PPP6R1: variants seen among roughly 807,000 people sequenced by gnomAD.
PPP6R1 encodes the protein serine/threonine-protein phosphatase 6 regulatory subunit 1.
A neutral mutation model predicts 104.6 loss-of-function variants in PPP6R1; 39 were observed. The observed-to-expected ratio is 0.37, with a 90% CI of 0.29 to 0.49. PPP6R1 has a LOEUF of 0.49. Ranked by LOEUF, PPP6R1 falls within the 20% of genes least tolerant of loss-of-function variation. PPP6R1 has a pLI of 0.98. For missense variants in PPP6R1, 1,181 were observed against 1,155.8 expected, an observed-to-expected ratio of 1.02 and a Z score of -0.32; for synonymous variants, 549 against 479.0, an observed-to-expected ratio of 1.15 and a Z score of -1.91.
intron 17 of PPP6R1, among the ~76,000 whole-genome samples, chr19:55,233,533 G>A (rs896648755): frequency 6.6e-6 from 1 of 152,146 alleles, no homozygotes; most frequent in Non-Finnish European, 1.5e-5. Context: ...ACATGATTCT[G>A]TACATAGAAA....
chr19:55,239,873 C>G lies in PPP6R1; in HGVS notation c.1516G>C (p.Val506Leu), dbSNP rs763530340. Reference sequence around the variant, plus strand: ...TTGGTCTCCGCCAGGGGCCCCGATACGAAGGCTTCCCACTGCTCCTGCTGC... The same window carrying G: ...TTGGTCTCCGCCAGGGGCCCCGATAGGAAGGCTTCCCACTGCTCCTGCTGC... The part of the protein sequence containing the change: ...SEQQEQWEAF[V>L]SGPLAETNKK... The change falls in exon 13 of 24, where the codon GTA becomes CTA. Residue 506 changes from valine (V) to leucine (L), a missense_variant. Physicochemically the swap from Val to Leu is conservative, Grantham distance 32. Coordinates refer to ENST00000412770, the MANE Select transcript of PPP6R1 (RefSeq NM_014931.4). 1 of 1,613,936 alleles carries G rather than the reference C, an allele frequency of 6.2e-7. No homozygotes were observed. Among genetic ancestry groups the G allele is most frequent in the South Asian group, 1.1e-5 (1 of 91,084 alleles).
rs939200970 is a variant in PPP6R1 at position 55,245,726 on chromosome 19, G to C, written c.228-48C>G. 7.2e-7 allele frequency: 1 copy of C among 1,395,872 alleles called. No individual in the cohort carries two copies. The highest frequency in any genetic ancestry group is 9.9e-7 in the Non-Finnish European group (1 of 1,014,480). 86.5% of individuals were successfully genotyped at this position (1,395,872 alleles called of 1,614,324 possible). A position where few individuals can be genotyped will look rare whatever the true frequency, so the allele number is the denominator to read the frequency against. ...TGGGGGCTCGGGTCGGAGGCCGGGG[G>C]CAGGGGGCGGCAAGGCTCCACCCTC... On this transcript the variant is annotated intron_variant, in intron 2 of 23. Transcript: ENST00000412770. The surrounding 1 kb of genome is among the most constrained non-coding windows in gnomAD (Gnocchi z 6.4).
At chr19:55,229,031 G>A, downstream of PPP6R1, 1 of 384,106 alleles carries the variant, frequency 2.6e-6, no homozygotes, top group Non-Finnish European at 4.9e-6. Context: ...CTTGTCCTGG[G>A]CCCCAACAAT....
intron 1 of PPP6R1, among the ~76,000 whole-genome samples, chr19:55,252,256 G>C (rs1600117583): frequency 6.6e-6 from 1 of 152,054 alleles, no homozygotes; most frequent in African/African-American, 2.4e-5. Context: ...TTGAGACAGA[G>C]TCTCTCTCTG....
Position 55,231,646 on chromosome 19 carries a change from AG to A in PPP6R1, c.2328del (p.Ser777GlnfsTer141). 4 of 1,610,518 alleles carry A rather than the reference AG, an allele frequency of 2.5e-6. No individual in the cohort carries two copies. The highest frequency in any genetic ancestry group is 1.7e-5 in the Admixed American group (1 of 59,618). ...LQLRSQDPTP[P>X]SAPQEATEGS... Reference sequence around the variant, plus strand: ...CCTTCTGTGGCTTCCTGAGGTGCTGAGGGGGGTGTGGGGTCCTGAGACCTGG... The same window carrying A: ...CCTTCTGTGGCTTCCTGAGGTGCTGAGGGGGTGTGGGGTCCTGAGACCTGG... On this transcript the variant is annotated frameshift_variant, in exon 20 of 24. Coordinates refer to ENST00000412770, the MANE Select transcript of PPP6R1 (RefSeq NM_014931.4). LOFTEE classifies it high-confidence loss of function.
At chr19:55,254,306 A>T (rs1036153346) in intron 1 of PPP6R1, among the ~76,000 whole-genome samples, 3 of 152,250 alleles carry the variant, frequency 2.0e-5, no homozygotes, top group African/African-American at 7.2e-5. Flanking sequence ...GGGAAATTGT[A>T]AATGAGAAAG....
Position 55,246,961 on chromosome 19 carries a change from A to C in PPP6R1, c.143T>G (p.Leu48Arg). 1 of 1,613,864 alleles carries C rather than the reference A, an allele frequency of 6.2e-7. No homozygotes were observed. The highest frequency in any genetic ancestry group is 8.5e-7 in the Non-Finnish European group (1 of 1,179,858). ...KVVNRKLLDFLLQPPHLQAMV... is the reference protein window; with the variant it reads ...KVVNRKLLDFRLQPPHLQAMV... ...TGCTTGCAGGTGGGGTGGCTGCAGC[A>C]GGAAGTCCAGCAGCTTGCGGTTGAC... The change falls in exon 2 of 24, where the codon CTG becomes CGG. Residue 48 changes from leucine (L) to arginine (R), a missense_variant. Around this residue, in one of 2 missense-constraint regions of PPP6R1, gnomAD observed 139 missense variants for 200.1 expected, o/e 0.69. Transcript: ENST00000412770.
At chr19:55,240,886 G>C in intron 10 of PPP6R1, 59 bp downstream of exon 10, 1 of 1,571,270 alleles carries the variant, frequency 6.4e-7, no homozygotes, top group South Asian at 1.2e-5. Flanking sequence ...GGCCTCTGGA[G>C]AGGGTGCGCC....
At chr19:55,242,018 C>A in intron 7 of PPP6R1, 148 bp downstream of exon 7, 1 of 735,446 alleles carries the variant, frequency 1.4e-6, no homozygotes, top group Non-Finnish European at 2.2e-6. Flanking sequence ...CGGCCCCGTA[C>A]TGTCCACTGT....
chr19:55,242,136 C>T (rs756455516), intron 7 of PPP6R1, 30 bp downstream of exon 7: 2 of 1,593,482 alleles, frequency 1.3e-6, no homozygotes, highest in South Asian at 2.2e-5. Flanking sequence ...GGATGGGCAG[C>T]ATGCATGGTC....
At chr19:55,257,086 A>G in intron 1 of PPP6R1, among the ~76,000 whole-genome samples, 1 of 150,320 alleles carries the variant, frequency 6.7e-6, no homozygotes, top group Admixed American at 6.6e-5. Flanking sequence ...GTTAAAAAAA[A>G]AAAAAAAAAA....
intron 1 of PPP6R1, among the ~76,000 whole-genome samples, chr19:55,254,899 G>A (rs1258289560): frequency 1.3e-5 from 2 of 152,192 alleles, no homozygotes; most frequent in African/African-American, 4.8e-5. Flanking sequence ...TGACAGTAAT[G>A]GCAACCCCAC....
In PPP6R1 at chr19:55,241,555, A is replaced by C. The variant is rs778266503; in HGVS notation, c.930T>G (p.Thr310=). Residue 310 remains threonine (T), a synonymous_variant, in exon 8 of 24, where the codon ACT becomes ACG. Coordinates refer to ENST00000412770, the MANE Select transcript of PPP6R1 (RefSeq NM_014931.4). The surrounding 1 kb of genome is among the most constrained non-coding windows in gnomAD (Gnocchi z 5.4). Reference sequence around the variant, plus strand: ...CGTGCAAGGCGCCCACACTGGACACAGTGCTTTCCAGGGCCCCCTGGGCCA... The same window carrying C: ...CGTGCAAGGCGCCCACACTGGACACCGTGCTTTCCAGGGCCCCCTGGGCCA... ...ELLAQGALES[T]VSSVGALHAL... is the part of the protein sequence containing the mutation. The C allele has an allele frequency of 6.3e-7, 1 of 1,580,282 alleles. No homozygotes were observed. The highest frequency in any genetic ancestry group is 8.6e-7 in the Non-Finnish European group (1 of 1,164,462).
At chr19:55,258,190 C>G (rs1234037502) in intron 1 of PPP6R1, among the ~76,000 whole-genome samples, 1 of 152,100 alleles carries the variant, frequency 6.6e-6, no homozygotes, top group Non-Finnish European at 1.5e-5. Flanking sequence ...GGGAAAAGGC[C>G]GAGAGCAAGA....
downstream of PPP6R1, chr19:55,228,555 A>T (rs2122470019): frequency 6.6e-7 from 1 of 1,525,330 alleles, no homozygotes. Context: ...GGCTGGACCC[A>T]TTCAGGGACC....
At chr19:55,240,435 G>C (rs926253546) in intron 10 of PPP6R1, 135 bp from the exon 11 acceptor site, 1 of 890,728 alleles carries the variant, frequency 1.1e-6, no homozygotes, top group Non-Finnish European at 1.7e-6. Flanking sequence ...GGATGGGAAG[G>C]AGGGATGCAA....
At chr19:55,230,997 C>T (rs2087339451) in intron 21 of PPP6R1, 113 bp from the exon 22 acceptor site, 2 of 918,338 alleles carry the variant, frequency 2.2e-6, no homozygotes, top group Non-Finnish European at 3.4e-6. Flanking sequence ...TGCCACCTGC[C>T]CCACGGGGAG....
rs567127261 is a variant in PPP6R1, at chr19:55,239,903, T to C, written c.1486A>G (p.Ser496Gly). ...QLRQLLKELP[S>G]EQQEQWEAFV... ...GCTTCCCACTGCTCCTGCTGCTCGC[T>C]GGGCAGCTCTGCTTAGGTGAGAGGG... Residue 496 changes from serine to glycine, a missense_variant, in exon 13 of 24, where the codon AGC becomes GGC. By Grantham distance (56) the Ser-to-Gly change is moderately conservative. This residue lies in a region of PPP6R1 where 1,042 missense variants were observed against 955.6 expected (regional missense o/e 1.09). Coordinates refer to ENST00000412770, the MANE Select transcript of PPP6R1 (RefSeq NM_014931.4). 6.4e-5 allele frequency: 104 copies of C among 1,613,846 alleles called. No homozygotes were observed. In the South Asian group the frequency reaches 1.1e-3, roughly 16 times the overall value.
chr19:55,255,571 G>T (rs945031674), intron 1 of PPP6R1: 1 of 152,298 alleles, frequency 6.6e-6, no homozygotes, highest in African/African-American at 2.4e-5. Flanking sequence ...GGAAAACCAC[G>T]GTTTGGCATG....
Sources: allele counts gnomAD v4.1 joint callset (sites outside exome capture counted in the v4.1 genomes callset), GRCh38; gene constraint gnomAD v4.1.1; regional missense constraint gnomAD v4.1.1; non-coding constraint Gnocchi (gnomAD v3.1); transcripts MANE v1.5; gene names NCBI Gene and HGNC (gene_info 2026-07-23, HGNC 2026-07-21).